Variants in PPP1CC observed in about 807,000 individuals in gnomAD.
PPP1CC encodes serine/threonine-protein phosphatase PP1-gamma catalytic subunit.
PPP1CC carries 16 observed loss-of-function variants against 38.4 expected under a neutral mutation model. The observed-to-expected ratio is 0.42, with a 90% CI of 0.28 to 0.63. The LOEUF is 0.63. PPP1CC is among the 30% of genes least tolerant of loss of function. PPP1CC has a pLI of 0.25. For missense variants in PPP1CC, 170 were observed against 391.3 expected (o/e 0.43, Z 4.77); for synonymous variants, 158 against 136.0 (o/e 1.16, Z -1.13).
downstream of PPP1CC, among the ~76,000 whole-genome samples, chr12:110,719,296 C>T (rs908140758): frequency 6.6e-6 from 1 of 152,134 alleles, no homozygotes; most frequent in Non-Finnish European, 1.5e-5. Flanking sequence ...AGGACCGGGG[C>T]TTGTTAGCAG....
At chr12:110,724,862 T>C in intron 3 of PPP1CC, 98 bp from the exon 4 acceptor site, 1 of 645,458 alleles carries the variant, frequency 1.5e-6, no homozygotes, top group South Asian at 1.9e-5. Flanking sequence ...AGATTCTGGG[T>C]GCCTTTTAAG....
intron 4 of PPP1CC, among the ~76,000 whole-genome samples, chr12:110,723,793 G>A (rs1033222234): frequency 7.9e-5 from 12 of 152,036 alleles, no homozygotes; most frequent in Non-Finnish European, 5.9e-5. Flanking sequence ...TTACAGATGC[G>A]AGCCACTATG....
At chr12:110,741,058 A>G (rs1291583129) in intron 1 of PPP1CC, among the ~76,000 whole-genome samples, 2 of 152,208 alleles carry the variant, frequency 1.3e-5, no homozygotes, top group Non-Finnish European at 2.9e-5. Context: ...AACTAGTATG[A>G]AAAAGTATGG....
chr12:110,726,003 G>C (rs538660482), intron 3 of PPP1CC: 1 of 152,230 alleles, frequency 6.6e-6, no homozygotes, highest in Non-Finnish European at 1.5e-5. Context: ...CGGAGGTTGC[G>C]GTGAGCCTTG....
At chr12:110,710,253 C>T in the PPP1CC span, among the ~76,000 whole-genome samples, 1 of 152,042 alleles carries the variant, frequency 6.6e-6, no homozygotes, top group Non-Finnish European at 1.5e-5. Flanking sequence ...ATTAATAATG[C>T]AAATTAAGGC....
In PPP1CC at chr12:110,720,892, A is replaced by G; in HGVS notation, c.*184T>C. 1 of 505,650 alleles carries G rather than the reference A, an allele frequency of 2.0e-6. No individual in the cohort carries two copies. Among genetic ancestry groups the G allele is most frequent in the South Asian group, 2.9e-5 (1 of 34,102 alleles). The allele number at this position is 505,650 out of a possible 1,614,324, so 31.3% of individuals were successfully genotyped here. On this transcript the variant is annotated 3_prime_UTR_variant, in exon 7 of 7. Transcript: ENST00000335007. ...AAAAACAAAACACTTTTCTTTTTGGAGTGAAGAGTCTTTCATTTGCTGTTA... is the reference window on the plus strand; with the variant it reads ...AAAAACAAAACACTTTTCTTTTTGGGGTGAAGAGTCTTTCATTTGCTGTTA...
At chr12:110,712,820 C>T in the PPP1CC span, among the ~76,000 whole-genome samples, 4 of 151,076 alleles carry the variant, frequency 2.6e-5, no homozygotes, top group African/African-American at 7.3e-5. Flanking sequence ...ACCTGTAATC[C>T]CAGCACTTTG....
At chr12:110,736,069 A>AAACC (rs2069941060) in intron 1 of PPP1CC, among the ~76,000 whole-genome samples, 1 of 150,486 alleles carries the variant, frequency 6.6e-6, no homozygotes, top group Admixed American at 6.6e-5. Context: ...GTCTCAAAAC[A>AAACC]AACAAACAAA....
the PPP1CC span, among the ~76,000 whole-genome samples, chr12:110,710,480 A>G: frequency 2.0e-5 from 3 of 151,958 alleles, no homozygotes; most frequent in South Asian, 6.2e-4. Flanking sequence ...GCACTTTGGG[A>G]GGCCAAGGCG....
Position 110,722,316 on chromosome 12 carries a change from G to T in PPP1CC, c.748-47C>A. 6.3e-7 allele frequency: 1 copy of T among 1,597,848 alleles called. No homozygotes were observed. The highest frequency in any genetic ancestry group is 8.6e-7 in the Non-Finnish European group (1 of 1,168,182). On this transcript the variant is annotated intron_variant, in intron 5 of 6. Coordinates refer to ENST00000335007, the MANE Select transcript of PPP1CC (RefSeq NM_002710.4). This position sits in a 1 kb window ranked among gnomAD's most constrained non-coding sequence, Gnocchi z 5.4. ...ATATAAATAGGTGCAAATATTAGGT[G>T]AGTAAAACCATGTTTCAGTTTCCCA...
At chr12:110,732,331 A>T in intron 1 of PPP1CC, 1 of 194,788 alleles carries the variant, frequency 5.1e-6, no homozygotes, top group African/African-American at 2.3e-5. Flanking sequence ...CGGGAGGCGG[A>T]GGTTGCAGTG....
At chr12:110,736,723 AAGTT>A (rs1357302559) in intron 1 of PPP1CC, among the ~76,000 whole-genome samples, 1 of 152,250 alleles carries the variant, frequency 6.6e-6, no homozygotes, top group Admixed American at 6.5e-5. Context: ...TAACTTTTGA[AAGTT>A]AGCTGCTGGC....
the PPP1CC span, among the ~76,000 whole-genome samples, chr12:110,713,167 C>G: frequency 1.3e-5 from 2 of 151,690 alleles, no homozygotes; most frequent in African/African-American, 4.9e-5. Flanking sequence ...TAGTGTCACT[C>G]TGTTGTCCAG....
At chr12:110,725,210 C>G (rs1470932265) in intron 3 of PPP1CC, 1 of 152,738 alleles carries the variant, frequency 6.5e-6, no homozygotes. Context: ...GGACTGCCAT[C>G]AAATCCCAGG....
At chr12:110,729,118 C>T (rs1252354266) in intron 3 of PPP1CC, among the ~76,000 whole-genome samples, 1 of 148,764 alleles carries the variant, frequency 6.7e-6, no homozygotes, top group Non-Finnish European at 1.5e-5. Context: ...ATGATGAGCA[C>T]AAAAGGAAGG....
intron 1 of PPP1CC, among the ~76,000 whole-genome samples, chr12:110,735,822 T>G (rs529902257): frequency 2.0e-5 from 3 of 151,534 alleles, no homozygotes; most frequent in Admixed American, 1.3e-4. Flanking sequence ...CCCAGCACTT[T>G]AGGAGTCCGA....
In PPP1CC at chr12:110,720,349, A is replaced by C; in HGVS notation, c.*727T>G. On this transcript the variant is annotated 3_prime_UTR_variant, in exon 7 of 7. Coordinates refer to ENST00000335007, the MANE Select transcript of PPP1CC (RefSeq NM_002710.4). ...GTTTTTGAATCCCCAAGAAGGCAGC[A>C]TGTGTATACAACCATACCACCTTGT... 1.5e-6 allele frequency: 1 copy of C among 666,970 alleles called. No homozygotes were observed. The highest frequency in any genetic ancestry group is 2.6e-6 in the Non-Finnish European group (1 of 387,700). 41.3% of individuals were successfully genotyped at this position (666,970 alleles called of 1,614,324 possible).
intron 3 of PPP1CC, among the ~76,000 whole-genome samples, chr12:110,726,970 AC>A (rs1313779475): frequency 2.0e-5 from 3 of 152,118 alleles, no homozygotes; most frequent in African/African-American, 7.2e-5. Flanking sequence ...GTGGGGTCTC[AC>A]TGCATCACCT....
At chr12:110,731,316 A>G (rs1174261733) in intron 2 of PPP1CC, among the ~76,000 whole-genome samples, 1 of 151,924 alleles carries the variant, frequency 6.6e-6, no homozygotes, top group Non-Finnish European at 1.5e-5. Flanking sequence ...AATATGCTAT[A>G]AGAATATATT....
Sources: gnomAD v4.1 joint callset for allele counts (sites outside exome capture counted in the v4.1 genomes callset) on GRCh38, gnomAD v4.1.1 for gene constraint, Gnocchi (gnomAD v3.1) non-coding constraint, MANE v1.5 for transcripts, NCBI Gene and HGNC (gene_info 2026-07-23, HGNC 2026-07-21) for gene names.